Variants in NGEF observed in about 807,000 individuals in gnomAD.
The protein encoded by NGEF is ephexin-1.
In NGEF, 31 loss-of-function variants were observed where a neutral mutation model predicts 80.9. That is an observed-to-expected ratio of 0.38 (90% CI 0.29 to 0.52). The LOEUF is 0.52. Ranked by LOEUF, NGEF falls within the 20% of genes least tolerant of loss-of-function variation. NGEF has a pLI of 0.84. For synonymous variants in NGEF, 371 were observed against 370.2 expected (o/e 1.00, Z -0.03); for missense variants, 709 against 926.2 (o/e 0.77, Z 3.04).
chr2:232,964,867 C>T (rs917560756), intron 3 of NGEF, among the ~76,000 whole-genome samples: 3 of 152,246 alleles, frequency 2.0e-5, no homozygotes, highest in African/African-American at 4.8e-5. Context: ...AAGATGGTTA[C>T]GTCTGAGAGT....
At chr2:232,899,152 T>C (rs1181520215) in intron 5 of NGEF, among the ~76,000 whole-genome samples, 1 of 150,664 alleles carries the variant, frequency 6.6e-6, no homozygotes, top group Non-Finnish European at 1.5e-5. Flanking sequence ...TGAGAGTGTG[T>C]GACAGTGGGT....
chr2:232,964,783 C>A (rs967827489), intron 3 of NGEF, among the ~76,000 whole-genome samples: 1 of 152,222 alleles, frequency 6.6e-6, no homozygotes, highest in Non-Finnish European at 1.5e-5. Flanking sequence ...AAGTCAGACA[C>A]TGTAGAGTAC....
intron 1 of NGEF, among the ~76,000 whole-genome samples, chr2:233,007,987 G>A (rs969510493): frequency 4.6e-5 from 7 of 152,180 alleles, no homozygotes; most frequent in African/African-American, 1.7e-4. Flanking sequence ...TTCCTCCAAC[G>A]CTCAAGAATC....
intron 2 of NGEF, among the ~76,000 whole-genome samples, chr2:232,973,755 C>A (rs1016367814): frequency 5.9e-5 from 9 of 152,204 alleles, no homozygotes; most frequent in African/African-American, 2.2e-4. Flanking sequence ...CCAGACACAG[C>A]AACCACTAAA....
chr2:232,887,786 T>C (rs879727199), intron 9 of NGEF, among the ~76,000 whole-genome samples: 9 of 152,072 alleles, frequency 5.9e-5, no homozygotes, highest in African/African-American at 1.7e-4. Context: ...CCAGGCACAG[T>C]AACAAGACAG....
chr2:232,992,965 T>A (rs962952831), intron 1 of NGEF, among the ~76,000 whole-genome samples: 1 of 146,624 alleles, frequency 6.8e-6, no homozygotes, highest in African/African-American at 2.6e-5. Flanking sequence ...CCAGCCTGGG[T>A]GATAGAGCGA....
At chr2:232,899,765 G>A (rs1575001107) in intron 5 of NGEF, among the ~76,000 whole-genome samples, 2 of 129,046 alleles carry the variant, frequency 1.5e-5, no homozygotes, top group African/African-American at 5.9e-5. Flanking sequence ...TGCTCTCACA[G>A]TCACTCATAT....
chr2:233,010,699 G>C (rs369309490), intron 1 of NGEF, among the ~76,000 whole-genome samples: 3 of 152,194 alleles, frequency 2.0e-5, no homozygotes, highest in Non-Finnish European at 4.4e-5. Flanking sequence ...AGCCCACAGA[G>C]GGTGCTCCAG....
intron 3 of NGEF, among the ~76,000 whole-genome samples, chr2:232,953,982 T>C (rs1322463231): frequency 6.6e-6 from 1 of 152,122 alleles, no homozygotes; most frequent in African/African-American, 2.4e-5. Flanking sequence ...GGGTGAAGCA[T>C]TTGCCAAAAA....
chr2:233,002,319 AAATTT>A (rs1374288484), intron 1 of NGEF, among the ~76,000 whole-genome samples: 5 of 152,228 alleles, frequency 3.3e-5, no homozygotes, highest in African/African-American at 1.2e-4. Context: ...ATGAAGTAAG[AAATTT>A]AATTTAAAGG....
chr2:232,883,880 G>T, intron 11 of NGEF, 101 bp downstream of exon 11: 1 of 1,266,368 alleles, frequency 7.9e-7, no homozygotes, highest in Non-Finnish European at 1.1e-6. Flanking sequence ...AAGAGCCCAA[G>T]CTCTGTCCCG....
chr2:232,981,723 C>T (rs1694432937), intron 1 of NGEF, among the ~76,000 whole-genome samples: 1 of 152,172 alleles, frequency 6.6e-6, no homozygotes, highest in African/African-American at 2.4e-5. Flanking sequence ...AACTCCAATC[C>T]CCGAATGCTT....
intron 5 of NGEF, among the ~76,000 whole-genome samples, chr2:232,910,560 C>T (rs540093902): frequency 2.0e-5 from 3 of 152,146 alleles, no homozygotes; most frequent in African/African-American, 7.2e-5. Flanking sequence ...AAGTCAACAG[C>T]GCCACTGATG....
chr2:232,893,886 G>A (rs539812116), intron 6 of NGEF, among the ~76,000 whole-genome samples: 22 of 152,346 alleles, frequency 1.4e-4, no homozygotes, highest in African/African-American at 5.0e-4. Flanking sequence ...GCCACGAAGG[G>A]GTGAGGGGGC....
intron 4 of NGEF, among the ~76,000 whole-genome samples, chr2:232,923,970 C>A (rs1396783575): frequency 6.6e-6 from 1 of 152,130 alleles, no homozygotes; most frequent in Non-Finnish European, 1.5e-5. Flanking sequence ...GGCACAGTGG[C>A]TCATGCCTGT....
Position 232,881,229 on chromosome 2 carries a change from A to G in NGEF, c.1859T>C (p.Val620Ala), listed in dbSNP as rs1408834259. 3.1e-6 allele frequency: 5 copies of G among 1,609,076 alleles called. No individual in the cohort carries two copies. In the African/African-American group the frequency reaches 6.7e-5, roughly 21 times the overall value. ...TGGCTGCTGAGCCACGTATGGGTGC[A>G]CGCACTGGACCTGGGGGCAGTCTGA... ...RLLDCPQVQC[V>A]HPYVAQQPDE... Residue 620 changes from valine (V) to alanine (A), a missense_variant, in exon 14 of 15, where the codon GTG (valine) becomes GCG (alanine). Physicochemically the swap from Val to Ala is moderately conservative, Grantham distance 64. Transcript: ENST00000264051.
In NGEF at chr2:233,008,771, T is replaced by C. The variant is rs528597782; in HGVS notation, c.-75+4297A>G. Among the ~76,000 whole-genome samples the C allele has an allele frequency of 1.4e-4, 21 of 152,250 alleles. No homozygotes were observed. In the South Asian group the frequency reaches 3.7e-3, roughly 27 times the overall value. On this transcript the variant is annotated intron_variant, in intron 1 of 14. Coordinates refer to ENST00000264051, the MANE Select transcript of NGEF (RefSeq NM_019850.3). ...TTTTTCAATAGATATTTCTTTTTCC[T>C]TTTTTTAAAAAACTTTACCATCTGC...
chr2:232,985,133 TCTC>T (rs1302352503), intron 1 of NGEF, among the ~76,000 whole-genome samples: 1 of 152,146 alleles, frequency 6.6e-6, no homozygotes, highest in East Asian at 1.9e-4. Context: ...CTGGCCGTGT[TCTC>T]CTTCCCTTTC....
chr2:232,927,809 G>A, intron 3 of NGEF: 1 of 886,918 alleles, frequency 1.1e-6, no homozygotes, highest in Non-Finnish European at 1.5e-6. Flanking sequence ...GGCCGCGCAG[G>A]GGGTGCCCGG....
Sources: gnomAD v4.1 joint callset for allele counts (sites outside exome capture counted in the v4.1 genomes callset) on GRCh38, gnomAD v4.1.1 for gene constraint, MANE v1.5 for transcripts, NCBI Gene and HGNC (gene_info 2026-07-23, HGNC 2026-07-21) for gene names.